The following ZMYM5 variants were observed in gnomAD, a reference collection of about 807,000 sequenced individuals.
The protein encoded by ZMYM5 is zinc finger MYM-type protein 5.
A neutral mutation model predicts 61.8 loss-of-function variants in ZMYM5; 41 were observed. The ratio of observed to expected loss-of-function variants is 0.66; its 90% CI spans 0.52 to 0.86. The LOEUF (loss-of-function observed/expected upper bound fraction) is 0.86. Among genes scored for constraint, ZMYM5 ranks in the 40% least tolerant of loss-of-function variants. The pLI, the probability that ZMYM5 is intolerant of heterozygous loss-of-function variation, is 0.00. For synonymous variants in ZMYM5, 257 were observed against 276.4 expected, an observed-to-expected ratio of 0.93 and a Z score of 0.70; for missense variants, 706 against 786.7, an observed-to-expected ratio of 0.90 and a Z score of 1.23.
intron 4 of ZMYM5, chr13:19,843,402 T>TA (rs1416756921): frequency 8.3e-6 from 1 of 120,046 alleles, no homozygotes; most frequent in Admixed American, 9.1e-5. Flanking sequence ...AAAAAGAATA[T>TA]ATAGCAAGGC....
At chr13:19,845,553 C>G (rs192724659) in intron 4 of ZMYM5, among the ~76,000 whole-genome samples, 81 of 152,334 alleles carry the variant, frequency 5.3e-4, no homozygotes, top group African/African-American at 1.8e-3. Flanking sequence ...AGACTGCCCT[C>G]ACTTCAGATA....
intron 2 of ZMYM5, among the ~76,000 whole-genome samples, chr13:19,861,849 CAA>C (rs58840015): frequency 2.2e-5 from 3 of 137,876 alleles, no homozygotes; most frequent in South Asian, 2.3e-4. Flanking sequence ...TGTCTAGTAG[CAA>C]AAAAAAAAAA....
intron 7 of ZMYM5, among the ~76,000 whole-genome samples, chr13:19,832,200 GT>G (rs1411169977): frequency 6.6e-6 from 1 of 151,988 alleles, no homozygotes; most frequent in Non-Finnish European, 1.5e-5. Flanking sequence ...CTATTTAGTA[GT>G]AAAAAATTTA....
intron 4 of ZMYM5, among the ~76,000 whole-genome samples, chr13:19,842,223 C>T (rs1952904096): frequency 6.6e-6 from 1 of 152,146 alleles, no homozygotes; most frequent in Admixed American, 6.6e-5. Context: ...ACCCACCTAC[C>T]CCATGGGCTG....
chr13:19,861,955 CA>C (rs1168328853), intron 2 of ZMYM5, among the ~76,000 whole-genome samples: 2 of 152,054 alleles, frequency 1.3e-5, no homozygotes, highest in Non-Finnish European at 2.9e-5. Context: ...AATAGTTTGA[CA>C]ACTAGTTTAT....
At chr13:19,839,216 A>T (rs1952779022) in intron 4 of ZMYM5, among the ~76,000 whole-genome samples, 1 of 151,814 alleles carries the variant, frequency 6.6e-6, no homozygotes, top group Non-Finnish European at 1.5e-5. Flanking sequence ...TGGCGTCTGG[A>T]ATTGTGTAAT....
chr13:19,839,711 A>G (rs999325835), intron 4 of ZMYM5, among the ~76,000 whole-genome samples: 6 of 152,156 alleles, frequency 3.9e-5, no homozygotes, highest in African/African-American at 1.4e-4. Context: ...ACCACTAAAC[A>G]ATCAATCCAT....
intron 2 of ZMYM5, among the ~76,000 whole-genome samples, chr13:19,858,364 C>T (rs370451365): frequency 1.3e-4 from 20 of 151,662 alleles, no homozygotes; most frequent in Non-Finnish European, 2.8e-4. Flanking sequence ...GCAGGTGGAT[C>T]GCTTGAGTCC....
At chr13:19,849,804 ACCCC>A (rs1312450328) in intron 4 of ZMYM5, among the ~76,000 whole-genome samples, 2 of 151,838 alleles carry the variant, frequency 1.3e-5, no homozygotes, top group Non-Finnish European at 2.9e-5. Flanking sequence ...ACATAGTGAA[ACCCC>A]ATCTCTACTA....
rs773944056 is a variant in ZMYM5 at position 19,835,496 on chromosome 13, C to A, written c.1232G>T (p.Cys411Phe). 8.8e-6 allele frequency: 12 copies of A among 1,367,562 alleles called. No homozygotes were observed. The highest frequency in any genetic ancestry group is 1.2e-5 in the Non-Finnish European group (12 of 1,021,808). The allele number at this position is 1,367,562 out of a possible 1,614,324, so 84.7% of individuals were successfully genotyped here. ...GQQKRFCCQS[C>F]INEYKQMMET... ...AATTACCTGTTTATATTCGTTAATA[C>A]AACTTTGGCAGCAAAATCTCTTCTG... The change falls in exon 7 of 8, where the codon TGT (cysteine) becomes TTT (phenylalanine). Residue 411 changes from cysteine to phenylalanine, a missense_variant. Coordinates refer to ENST00000337963, the MANE Select transcript of ZMYM5 (RefSeq NM_001142684.2).
Position 19,851,774 on chromosome 13 carries a change from G to T in ZMYM5, c.407C>A (p.Ser136Tyr). ...AGGAAGTCCCCATTCGATAAAACAG[G>T]AAGACTTTTTCTCTGCTCCTCCATT... ...ETNGGAEKKS[S>Y]CFIEWGLPGT... The change falls in exon 3 of 8, where the codon TCC becomes TAC. Residue 136 changes from serine (S) to tyrosine (Y), a missense_variant. Physicochemically the swap from Ser to Tyr is moderately radical, Grantham distance 144 (BLOSUM62 -2). Around this residue, in one of 2 missense-constraint regions of ZMYM5, gnomAD observed 480 missense variants for 461.7 expected, o/e 1.04. Transcript: ENST00000337963. 1 of 1,607,432 alleles carries T rather than the reference G, an allele frequency of 6.2e-7. No individual in the cohort carries two copies. Among genetic ancestry groups the T allele is most frequent in the Non-Finnish European group, 8.5e-7 (1 of 1,178,582 alleles).
At chr13:19,861,711 A>G (rs1953769036) in intron 2 of ZMYM5, among the ~76,000 whole-genome samples, 1 of 152,172 alleles carries the variant, frequency 6.6e-6, no homozygotes, top group African/African-American at 2.4e-5. Context: ...AAAGCTTGTT[A>G]AAGAAAAAAA....
intron 7 of ZMYM5, among the ~76,000 whole-genome samples, chr13:19,826,156 A>G (rs1296015321): frequency 6.6e-6 from 1 of 152,106 alleles, no homozygotes; most frequent in Non-Finnish European, 1.5e-5. Context: ...CCACTTTTGA[A>G]AACTGTCTGG....
intron 7 of ZMYM5, among the ~76,000 whole-genome samples, chr13:19,832,603 G>C (rs1952563644): frequency 6.6e-6 from 1 of 152,030 alleles, no homozygotes; most frequent in Non-Finnish European, 1.5e-5. Context: ...ATGGATTACA[G>C]ACATGAGCCA....
intron 4 of ZMYM5, among the ~76,000 whole-genome samples, chr13:19,847,013 T>A (rs1953097363): frequency 6.6e-6 from 1 of 152,160 alleles, no homozygotes; most frequent in African/African-American, 2.4e-5. Flanking sequence ...AATGGCATGA[T>A]CTCAACTCAC....
At chr13:19,854,825 C>T (rs1953446879) in intron 2 of ZMYM5, among the ~76,000 whole-genome samples, 1 of 152,088 alleles carries the variant, frequency 6.6e-6, no homozygotes, top group African/African-American at 2.4e-5. Flanking sequence ...CTGCCTAACT[C>T]ACCATTGCTG....
At position 19,862,193 on chromosome 13, in the gene ZMYM5, A is replaced by C. The variant is rs568151907; in HGVS notation, c.-11+206T>G. ...TAAATCTTGTTCTGGAACTTGAGAGAGTTCCAGTGGTATAAATGTCAGCAC... is the reference window on the plus strand; with the variant it reads ...TAAATCTTGTTCTGGAACTTGAGAGCGTTCCAGTGGTATAAATGTCAGCAC... On this transcript the variant is annotated intron_variant, in intron 2 of 7. Coordinates refer to ENST00000337963, the MANE Select transcript of ZMYM5 (RefSeq NM_001142684.2). Among the ~76,000 whole-genome samples, 4 of 152,258 alleles carry C rather than the reference A, an allele frequency of 2.6e-5. No homozygotes were observed. In the East Asian group the frequency reaches 7.7e-4, roughly 29 times the overall value.
intron 7 of ZMYM5, among the ~76,000 whole-genome samples, chr13:19,833,623 T>A (rs187310516): frequency 6.6e-6 from 1 of 152,080 alleles, no homozygotes; most frequent in African/African-American, 2.4e-5. Flanking sequence ...ATCACAGGCC[T>A]AAAAAATAAA....
intron 4 of ZMYM5, among the ~76,000 whole-genome samples, chr13:19,849,365 C>T (rs981300704): frequency 3.9e-5 from 6 of 152,128 alleles, no homozygotes; most frequent in African/African-American, 1.4e-4. Flanking sequence ...CTCAAGTGAT[C>T]CTTCTTCCTT....
Sources: gnomAD v4.1 joint callset for allele counts (sites outside exome capture counted in the v4.1 genomes callset) on GRCh38, gnomAD v4.1.1 for gene constraint, gnomAD v4.1.1 regional missense constraint, MANE v1.5 for transcripts, NCBI Gene and HGNC (gene_info 2026-07-23, HGNC 2026-07-21) for gene names.